LRMDA: variants seen among roughly 807,000 people sequenced by gnomAD.
LRMDA encodes the protein leucine-rich melanocyte differentiation-associated protein.
In LRMDA, 18 loss-of-function variants were observed where a neutral mutation model predicts 29.8. The observed-to-expected ratio is 0.60, with a 90% CI of 0.42 to 0.90. LRMDA has a LOEUF of 0.90. LRMDA is among the 40% of genes least tolerant of loss of function. LRMDA has a pLI of 0.00. For missense variants in LRMDA, 273 were observed against 273.9 expected, an observed-to-expected ratio of 1.00 and a Z score of 0.02; for synonymous variants, 125 against 109.4, an observed-to-expected ratio of 1.14 and a Z score of -0.89.
chr10:76,516,817 CTT>C (rs1433761247), intron 6 of LRMDA, among the ~76,000 whole-genome samples: 2 of 152,142 alleles, frequency 1.3e-5, no homozygotes, highest in East Asian at 3.8e-4. Context: ...GTGCATGTGT[CTT>C]TATAGCAGCA....
chr10:76,265,013 A>G (rs967460941), intron 5 of LRMDA, among the ~76,000 whole-genome samples: 3 of 152,154 alleles, frequency 2.0e-5, no homozygotes, highest in Non-Finnish European at 4.4e-5. Flanking sequence ...TTCCAACCAT[A>G]TTAATTCCAG....
intron 2 of LRMDA, among the ~76,000 whole-genome samples, chr10:75,652,825 T>G (rs1488844065): frequency 6.6e-6 from 1 of 152,198 alleles, no homozygotes; most frequent in Non-Finnish European, 1.5e-5. Flanking sequence ...CTGTTTCTAG[T>G]TTAAACATAA....
intron 2 of LRMDA, among the ~76,000 whole-genome samples, chr10:75,918,553 C>T (rs1845972991): frequency 1.3e-5 from 2 of 152,100 alleles, no homozygotes; most frequent in African/African-American, 4.8e-5. Flanking sequence ...ATAAGAAATC[C>T]ACCCCCATGA....
At chr10:75,561,469 T>C (rs1840294713) in intron 2 of LRMDA, among the ~76,000 whole-genome samples, 1 of 152,076 alleles carries the variant, frequency 6.6e-6, no homozygotes, top group South Asian at 2.1e-4. Flanking sequence ...TGTTGATCCT[T>C]TCAAAAAACC....
intron 4 of LRMDA, among the ~76,000 whole-genome samples, 179 bp downstream of exon 4, chr10:76,047,482 A>G (rs1848460530): frequency 6.6e-6 from 1 of 152,224 alleles, no homozygotes; most frequent in African/African-American, 2.4e-5. Flanking sequence ...TTGAGGTCAC[A>G]AAAGCTAAGA....
At chr10:76,070,200 G>T (rs1357566861) in intron 5 of LRMDA, among the ~76,000 whole-genome samples, 1 of 152,164 alleles carries the variant, frequency 6.6e-6, no homozygotes, top group African/African-American at 2.4e-5. Flanking sequence ...TCTTTTTGTG[G>T]CACTGCTGTG....
intron 6 of LRMDA, among the ~76,000 whole-genome samples, chr10:76,490,866 G>A (rs1842827128): frequency 6.6e-6 from 1 of 151,598 alleles, no homozygotes; most frequent in African/African-American, 2.4e-5. Context: ...TTCCTTCCTT[G>A]CTGTCTTTTA....
chr10:75,748,538 A>G (rs1842916303), intron 2 of LRMDA, among the ~76,000 whole-genome samples: 1 of 152,192 alleles, frequency 6.6e-6, no homozygotes, highest in African/African-American at 2.4e-5. Flanking sequence ...CGTATTAAAA[A>G]AACCATTTAG....
chr10:76,089,751 CACCTAA>C (rs1456039722), intron 5 of LRMDA, among the ~76,000 whole-genome samples: 1 of 152,164 alleles, frequency 6.6e-6, no homozygotes, highest in Non-Finnish European at 1.5e-5. Flanking sequence ...CATCTTTCAT[CACCTAA>C]ATAAGGGCAG....
intron 2 of LRMDA, among the ~76,000 whole-genome samples, chr10:75,926,201 A>C (rs1846117446): frequency 6.6e-6 from 1 of 152,052 alleles, no homozygotes; most frequent in Non-Finnish European, 1.5e-5. Context: ...ATTTTATTAG[A>C]ACTGGGCATC....
rs533250498 is a variant in LRMDA, at chr10:76,038,121, G to A, written c.258+1987G>A. ...TTTTTAGACATGTCCTGTGTCCCAG[G>A]TCTCCGTAGAATATTAGGGTCCATG... On this transcript the variant is annotated intron_variant, in intron 3 of 6. Coordinates refer to ENST00000611255, the MANE Select transcript of LRMDA (RefSeq NM_001305581.2). Among the ~76,000 whole-genome samples the A allele has an allele frequency of 7.2e-5, 11 of 152,200 alleles. No homozygotes were observed. In the East Asian group the frequency reaches 2.1e-3, roughly 29 times the overall value.
intron 6 of LRMDA, among the ~76,000 whole-genome samples, chr10:76,377,285 A>T (rs1319407890): frequency 6.6e-6 from 1 of 152,098 alleles, no homozygotes; most frequent in Non-Finnish European, 1.5e-5. Context: ...TTCCTTGCAG[A>T]TTCTGGATAT....
At chr10:76,032,763 T>C (rs1201509796) in intron 2 of LRMDA, among the ~76,000 whole-genome samples, 1 of 152,144 alleles carries the variant, frequency 6.6e-6, no homozygotes, top group Admixed American at 6.5e-5. Flanking sequence ...TCCCTCCAGC[T>C]GGCTGTGCCT....
intron 5 of LRMDA, among the ~76,000 whole-genome samples, chr10:76,059,752 A>T (rs1162956796): frequency 2.0e-5 from 3 of 152,248 alleles, no homozygotes; most frequent in Admixed American, 2.0e-4. Flanking sequence ...GAACAATGAA[A>T]CATCTTCCAT....
intron 2 of LRMDA, among the ~76,000 whole-genome samples, chr10:75,921,607 T>C (rs1034786919): frequency 6.6e-6 from 1 of 152,226 alleles, no homozygotes; most frequent in Non-Finnish European, 1.5e-5. Context: ...TTTGTGTTTG[T>C]GTCTGTGTGC....
chr10:75,608,110 GTATA>G (rs10605160), intron 2 of LRMDA, among the ~76,000 whole-genome samples: 4,474 of 101,390 alleles, frequency 0.044, 299 homozygotes, highest in African/African-American at 0.12. Flanking sequence ...TGTAGTGTGT[GTATA>G]TATATATATA....
At chr10:76,267,095 G>A (rs1257860173) in intron 5 of LRMDA, among the ~76,000 whole-genome samples, 1 of 152,124 alleles carries the variant, frequency 6.6e-6, no homozygotes, top group Admixed American at 6.5e-5. Flanking sequence ...TAGACCAGAT[G>A]CCATGATAAA....
At chr10:75,509,305 G>A (rs1252075424) in intron 2 of LRMDA, among the ~76,000 whole-genome samples, 1 of 152,102 alleles carries the variant, frequency 6.6e-6, no homozygotes, top group Non-Finnish European at 1.5e-5. Flanking sequence ...ACACTCTTAA[G>A]CAATTTTACC....
intron 6 of LRMDA, among the ~76,000 whole-genome samples, chr10:76,448,592 T>A (rs534967103): frequency 2.0e-5 from 3 of 152,242 alleles, no homozygotes; most frequent in African/African-American, 7.2e-5. Flanking sequence ...TCTGAAATAT[T>A]CCGATATCTC....
Sources: allele counts gnomAD v4.1 joint callset (sites outside exome capture counted in the v4.1 genomes callset), GRCh38; gene constraint gnomAD v4.1.1; transcripts MANE v1.5; gene names NCBI Gene and HGNC (gene_info 2026-07-23, HGNC 2026-07-21).